Variants in SSC5D observed in about 807,000 individuals in gnomAD.
SSC5D encodes the protein scavenger receptor cysteine rich family member with 5 domains, also known as soluble scavenger receptor cysteine-rich domain-containing protein SSC5D.
SSC5D carries 106 observed loss-of-function variants against 104.6 expected under a neutral mutation model. That is an observed-to-expected ratio of 1.01 (90% CI 0.87 to 1.19). SSC5D has a LOEUF of 1.19. Ranked by LOEUF, SSC5D falls within the 50% of genes most tolerant of loss-of-function variation. SSC5D has a pLI of 0.00. For missense variants in SSC5D, 1,993 were observed against 2,153.8 expected (o/e 0.93, Z 1.48); for synonymous variants, 860 against 883.5 (o/e 0.97, Z 0.47).
chr19:55,490,332 C>A lies in SSC5D; in HGVS notation c.510C>A (p.Ser170=). The change falls in exon 5 of 14, where the codon TCC becomes TCA. Residue 170 remains serine, a synonymous_variant. Coordinates refer to ENST00000389623, the MANE Select transcript of SSC5D (RefSeq NM_001144950.2). Reference sequence around the variant, plus strand: ...CAGCTGGGAACCCCCAGAACGCCTCCCGGAAGAAGAGCCCCCGGCCCAAGC... The same window carrying A: ...CAGCTGGGAACCCCCAGAACGCCTCACGGAAGAAGAGCCCCCGGCCCAAGC... ...PRPAGNPQNA[S]RKKSPRPKQA... The A allele has an allele frequency of 1.3e-6, 2 of 1,496,932 alleles. No individual in the cohort carries two copies. Among genetic ancestry groups the A allele is most frequent in the Non-Finnish European group, 1.8e-6 (2 of 1,101,652 alleles). The allele number at this position is 1,496,932 out of a possible 1,614,324, so 92.7% of individuals were successfully genotyped here.
intron 8 of SSC5D, 80 bp from the exon 9 acceptor site, chr19:55,497,800 G>C (rs1599918744): frequency 4.6e-6 from 6 of 1,308,762 alleles, no homozygotes; most frequent in Non-Finnish European, 6.1e-6. Flanking sequence ...AAGGAAGATG[G>C]GGGGAGGGAA....
intron 4 of SSC5D, 141 bp downstream of exon 4, chr19:55,490,136 A>T: frequency 1.6e-6 from 1 of 617,828 alleles, no homozygotes. Context: ...TGCAGTATGA[A>T]CTCCCAGGGG....
At chr19:55,489,738 G>C in intron 3 of SSC5D, 76 bp downstream of exon 3, 3 of 1,507,562 alleles carry the variant, frequency 2.0e-6, no homozygotes, top group Non-Finnish European at 2.7e-6. Flanking sequence ...CTTAGCCCCA[G>C]CAAGTCTGAG....
In SSC5D at chr19:55,503,757, C is replaced by T. The variant is rs1987570702; in HGVS notation, c.2785+2556C>T. Among the ~76,000 whole-genome samples, 1 of 152,236 alleles carries T rather than the reference C, an allele frequency of 6.6e-6. No individual in the cohort carries two copies. The highest frequency in any genetic ancestry group is 6.5e-5 in the Admixed American group (1 of 15,286). Reference sequence around the variant, plus strand: ...GCCCCGCGCCCCGTACCTGTGCCCTCCTGAGAGGCCCAAGCCTCCCGCTCC... The same window carrying T: ...GCCCCGCGCCCCGTACCTGTGCCCTTCTGAGAGGCCCAAGCCTCCCGCTCC... On this transcript the variant is annotated intron_variant, in intron 12 of 13. Transcript: ENST00000389623. This position sits in a 1 kb window ranked among gnomAD's most constrained non-coding sequence, Gnocchi z 4.0.
chr19:55,493,202 G>A (rs1024424456), intron 6 of SSC5D, among the ~76,000 whole-genome samples: 10 of 152,216 alleles, frequency 6.6e-5, no homozygotes, highest in Admixed American at 4.6e-4. Flanking sequence ...GCTAGGGGGA[G>A]GGGTTGCCAC....
At position 55,518,672 on chromosome 19, in the gene SSC5D, A is replaced by G; in HGVS notation, c.4396A>G (p.Ser1466Gly). 6.5e-7 allele frequency: 1 copy of G among 1,546,384 alleles called. No individual in the cohort carries two copies. Among genetic ancestry groups the G allele is most frequent in the Non-Finnish European group, 8.7e-7 (1 of 1,144,842 alleles). ...CACCCTAGGGCCAACTCCTGGTCAG[A>G]GCCCAGGCCCCCATGGTCCATGTGT... ...PLTLGPTPGQSPGPHGPCVAP... is the reference protein window; with the variant it reads ...PLTLGPTPGQGPGPHGPCVAP... The change falls in exon 14 of 14, where the codon AGC (serine) becomes GGC (glycine). Residue 1466 changes from serine to glycine, a missense_variant. By Grantham distance (56) the Ser-to-Gly change is moderately conservative (BLOSUM62 0). Around this residue, in one of 6 missense-constraint regions of SSC5D, gnomAD observed 349 missense variants for 397.6 expected, o/e 0.88. Transcript: ENST00000389623.
At chr19:55,511,418 G>A (rs913127610) in intron 12 of SSC5D, among the ~76,000 whole-genome samples, 7 of 152,134 alleles carry the variant, frequency 4.6e-5, no homozygotes, top group South Asian at 4.1e-4. Flanking sequence ...ACATCCTAAC[G>A]GGCTCAGTTG....
chr19:55,508,649 G>A (rs577968318), intron 12 of SSC5D, among the ~76,000 whole-genome samples: 7 of 127,750 alleles, frequency 5.5e-5, no homozygotes, highest in South Asian at 4.6e-4. Context: ...CAGCAGGGAT[G>A]GCCTCATCCA....
chr19:55,496,020 C>A (rs1314131479), intron 8 of SSC5D, among the ~76,000 whole-genome samples: 2 of 149,306 alleles, frequency 1.3e-5, no homozygotes, highest in Non-Finnish European at 2.9e-5. Flanking sequence ...GGATTATAGG[C>A]GTGAGCCACC....
At position 55,518,175 on chromosome 19, in the gene SSC5D, A is replaced by T. The variant is rs756798898; in HGVS notation, c.3899A>T (p.His1300Leu). Reference sequence around the variant, plus strand: ...ACCCCTCACCCCACCACAACCCCTCACCCCACCATGACTCCTGACCCCACC... The same window carrying T: ...ACCCCTCACCCCACCACAACCCCTCTCCCCACCATGACTCCTGACCCCACC... ...TTTPHPTTTPHPTMTPDPTTT... is the reference protein window; with the variant it reads ...TTTPHPTTTPLPTMTPDPTTT... Residue 1300 changes from histidine to leucine, a missense_variant, in exon 14 of 14, where the codon CAC (histidine) becomes CTC (leucine). By Grantham distance (99) the His-to-Leu change is moderately conservative. Coordinates refer to ENST00000389623, the MANE Select transcript of SSC5D (RefSeq NM_001144950.2). The T allele has an allele frequency of 6.1e-5, 68 of 1,114,126 alleles. No homozygotes were observed. Among genetic ancestry groups the T allele is most frequent in the Non-Finnish European group, 7.2e-5 (64 of 889,724 alleles). The allele number at this position is 1,114,126 out of a possible 1,614,324, so 69.0% of individuals were successfully genotyped here. A position where few individuals can be genotyped will look rare whatever the true frequency, so the allele number is the denominator to read the frequency against.
chr19:55,518,231 C>T lies in SSC5D; in HGVS notation c.3955C>T (p.Pro1319Ser), dbSNP rs967136530. 7.0e-7 allele frequency: 1 copy of T among 1,421,550 alleles called. No homozygotes were observed. Among genetic ancestry groups the T allele is most frequent in the African/African-American group, 1.6e-5 (1 of 61,456 alleles). 88.1% of individuals were successfully genotyped at this position (1,421,550 alleles called of 1,614,324 possible). A position where few individuals can be genotyped will look rare whatever the true frequency, so the allele number is the denominator to read the frequency against. Reference protein sequence around the residue: ...TTPYPTTTPDPTTTPHPTTPD... With the variant: ...TTPYPTTTPDSTTTPHPTTPD... ...CCCTTACCCCACCACTACTCCTGAT[C>T]CCACCACGACCCCTCACCCCACAAC... The change falls in exon 14 of 14, where the codon CCC (proline) becomes TCC (serine). Residue 1319 changes from proline to serine, a missense_variant. Around this residue, in one of 6 missense-constraint regions of SSC5D, gnomAD observed 349 missense variants for 397.6 expected, o/e 0.88. Transcript: ENST00000389623.
intron 8 of SSC5D, among the ~76,000 whole-genome samples, chr19:55,495,650 T>G (rs1186384313): frequency 1.3e-5 from 2 of 152,060 alleles, no homozygotes. Context: ...GACTGACGGT[T>G]CTCAAGAGGA....
chr19:55,516,741 T>G (rs10426969), intron 13 of SSC5D, among the ~76,000 whole-genome samples: 20,732 of 152,190 alleles, frequency 0.14, 2,020 homozygotes, highest in African/African-American at 0.26. Flanking sequence ...AGACTTTATC[T>G]TAAAAAATAA....
Position 55,518,238 on chromosome 19 carries a change from C to T in SSC5D, c.3962C>T (p.Thr1321Met), listed in dbSNP as rs759908938. Reference sequence around the variant, plus strand: ...CCCACCACTACTCCTGATCCCACCACGACCCCTCACCCCACAACTCCTGAC... The same window carrying T: ...CCCACCACTACTCCTGATCCCACCATGACCCCTCACCCCACAACTCCTGAC... ...PYPTTTPDPTTTPHPTTPDPS... is the reference protein window; with the variant it reads ...PYPTTTPDPTMTPHPTTPDPS... The change falls in exon 14 of 14, where the codon ACG becomes ATG. Residue 1321 changes from threonine to methionine, a missense_variant. Coordinates refer to ENST00000389623, the MANE Select transcript of SSC5D (RefSeq NM_001144950.2). 2.4e-5 allele frequency: 36 copies of T among 1,475,982 alleles called. No homozygotes were observed. Among genetic ancestry groups the T allele is most frequent in the South Asian group, 6.1e-5 (5 of 81,660 alleles). The allele number at this position is 1,475,982 out of a possible 1,614,324, so 91.4% of individuals were successfully genotyped here. A position where few individuals can be genotyped will look rare whatever the true frequency, so the allele number is the denominator to read the frequency against.
Position 55,518,010 on chromosome 19 carries a change from CT to C in SSC5D, c.3735del (p.His1246IlefsTer10). The part of the protein sequence containing the change: ...HSTTPHPTTT[P>X]HPTTITHSTM... ...ACAACCCCTCACCCCACCACGACCC[CT>C]CATCCCACCACCATCACTCACTCCA... On this transcript the variant is annotated frameshift_variant, in exon 14 of 14. Coordinates refer to ENST00000389623, the MANE Select transcript of SSC5D (RefSeq NM_001144950.2). LOFTEE classifies it low-confidence loss of function (END_TRUNC). The C allele has an allele frequency of 4.7e-6, 7 of 1,500,648 alleles. No homozygotes were observed. The highest frequency in any genetic ancestry group is 6.2e-6 in the Non-Finnish European group (7 of 1,129,440). The allele number at this position is 1,500,648 out of a possible 1,614,324, so 93.0% of individuals were successfully genotyped here.
chr19:55,489,165 G>T (rs1019387902), intron 2 of SSC5D, 133 bp downstream of exon 2: 13 of 927,118 alleles, frequency 1.4e-5, no homozygotes, highest in Non-Finnish European at 2.0e-5. Context: ...CCCCAGCTCC[G>T]CAAGGGAATC....
At chr19:55,507,385 G>A (rs1402461075) in intron 12 of SSC5D, among the ~76,000 whole-genome samples, 20 of 146,714 alleles carry the variant, frequency 1.4e-4, no homozygotes, top group Non-Finnish European at 2.8e-4. Context: ...GACATTTTAC[G>A]GGCCGGGCGC....
At chr19:55,510,046 G>A (rs1013598457) in intron 12 of SSC5D, among the ~76,000 whole-genome samples, 1 of 151,368 alleles carries the variant, frequency 6.6e-6, no homozygotes, top group African/African-American at 2.4e-5. Flanking sequence ...CACCCAGGCT[G>A]GGGTGCAGTG....
intron 5 of SSC5D, 115 bp from the exon 6 acceptor site, chr19:55,490,657 G>A (rs1034725225): frequency 4.0e-5 from 50 of 1,250,406 alleles, no homozygotes; most frequent in African/African-American, 6.1e-5. Context: ...GGCTGCCGGC[G>A]GACAGATCTC....
Sources: allele counts gnomAD v4.1 joint callset (sites outside exome capture counted in the v4.1 genomes callset), GRCh38; gene constraint gnomAD v4.1.1; regional missense constraint gnomAD v4.1.1; non-coding constraint Gnocchi (gnomAD v3.1); transcripts MANE v1.5; gene names NCBI Gene and HGNC (gene_info 2026-07-23, HGNC 2026-07-21).